The following TRHDE variants were observed in gnomAD, a reference collection of about 807,000 sequenced individuals.
The protein encoded by TRHDE is thyrotropin-releasing hormone-degrading ectoenzyme.
Under a neutral mutation model 125.7 loss-of-function variants are expected in TRHDE, and 72 were observed. The observed-to-expected ratio is 0.57, with a 90% CI of 0.47 to 0.70. The LOEUF (loss-of-function observed/expected upper bound fraction) is 0.70. Ranked by LOEUF, TRHDE falls within the 30% of genes least tolerant of loss-of-function variation. The pLI is 0.00. For missense variants in TRHDE, 1,110 were observed against 1,327.1 expected, an observed-to-expected ratio of 0.84 and a Z score of 2.54; for synonymous variants, 509 against 509.1, an observed-to-expected ratio of 1.00 and a Z score of 0.00.
chr12:72,467,755 C>T (rs997272396), intron 3 of TRHDE, among the ~76,000 whole-genome samples: 5 of 152,266 alleles, frequency 3.3e-5, no homozygotes, highest in East Asian at 1.9e-4. Flanking sequence ...GCGGAGGTTG[C>T]GGTGAGCCGA....
At chr12:72,516,439 T>C (rs1878863862) in intron 6 of TRHDE, among the ~76,000 whole-genome samples, 1 of 152,032 alleles carries the variant, frequency 6.6e-6, no homozygotes, top group Non-Finnish European at 1.5e-5. Flanking sequence ...GATTTGGCTC[T>C]CTGTTTGTCT....
At chr12:72,267,148 A>C (rs938330653) in intron 2 of TRHDE, among the ~76,000 whole-genome samples, 1 of 152,052 alleles carries the variant, frequency 6.6e-6, no homozygotes, top group African/African-American at 2.4e-5. Flanking sequence ...CTGGAACAAG[A>C]GTTAATTTCT....
Position 72,667,622 on chromosome 12 carries a change from G to A in TRHDE, c.*4427G>A, listed in dbSNP as rs1049068383. On this transcript the variant is annotated 3_prime_UTR_variant, in exon 19 of 19. Transcript: ENST00000261180. ...GGAAAAATAATTCCTTGCTACAGAC[G>A]GGAAGTCAATCATTTTTAGGTATAC... 27 of 151,638 alleles carry A rather than the reference G, an allele frequency of 1.8e-4. No individual in the cohort carries two copies. The highest frequency in any genetic ancestry group is 5.5e-4 in the African/African-American group (23 of 41,448). The allele number at this position is 151,638 out of a possible 1,614,324, so 9.4% of individuals were successfully genotyped here.
intron 12 of TRHDE, among the ~76,000 whole-genome samples, chr12:72,599,300 G>A (rs1872110284): frequency 6.6e-6 from 1 of 151,948 alleles, no homozygotes; most frequent in African/African-American, 2.4e-5. Context: ...ATCTCTACAG[G>A]CTGCTTTCCA....
chr12:72,147,533 A>G (rs1876257584), intron 2 of TRHDE: 1 of 152,234 alleles, frequency 6.6e-6, no homozygotes, highest in South Asian at 2.1e-4. Context: ...AAAAATCTGC[A>G]TCTTTTTGAT....
intron 2 of TRHDE, among the ~76,000 whole-genome samples, chr12:72,318,283 C>T (rs1234595321): frequency 6.6e-6 from 1 of 152,040 alleles, no homozygotes; most frequent in Non-Finnish European, 1.5e-5. Flanking sequence ...AAAGGTCTAT[C>T]AGTAAACAGG....
At chr12:72,377,906 T>C (rs1471455444) in intron 2 of TRHDE, 89 bp from the exon 3 acceptor site, 2 of 930,268 alleles carry the variant, frequency 2.1e-6, no homozygotes, top group Non-Finnish European at 3.1e-6. Context: ...TGTAGTATTC[T>C]AAGTGATTTG....
At chr12:72,147,499 C>T (rs1414453996) in intron 2 of TRHDE, 1 of 152,130 alleles carries the variant, frequency 6.6e-6, no homozygotes, top group Non-Finnish European at 1.5e-5. Flanking sequence ...ATAATGTAAT[C>T]TTATCTTCAA....
intron 1 of TRHDE, among the ~76,000 whole-genome samples, chr12:72,092,729 T>C (rs1432453063): frequency 6.6e-6 from 1 of 152,172 alleles, no homozygotes; most frequent in East Asian, 1.9e-4. Flanking sequence ...CTTGGTTCCA[T>C]CCAAAATGCA....
chr12:72,207,474 A>G (rs899191925), intron 2 of TRHDE, among the ~76,000 whole-genome samples: 1 of 152,228 alleles, frequency 6.6e-6, no homozygotes, highest in African/African-American at 2.4e-5. Context: ...AAATTGCACA[A>G]TAAGAGATAG....
chr12:72,368,333 C>G lies in TRHDE; in HGVS notation c.1189-9662C>G, dbSNP rs186160920. Among the ~76,000 whole-genome samples the G allele has an allele frequency of 1.8e-4, 28 of 152,250 alleles. No individual in the cohort carries two copies. In the East Asian group the frequency reaches 5.4e-3, roughly 29 times the overall value. ...TTTAGTAGAAGATTTCATAATAATT[C>G]TGACAACTGAATGTGTCTTCTTTTT... On this transcript the variant is annotated intron_variant, in intron 2 of 18. Transcript: ENST00000261180.
intron 12 of TRHDE, among the ~76,000 whole-genome samples, chr12:72,576,043 A>G (rs1870978983): frequency 6.6e-6 from 1 of 152,132 alleles, no homozygotes; most frequent in African/African-American, 2.4e-5. Context: ...GTTGTACTAT[A>G]GTAATATTTG....
chr12:72,421,307 G>A (rs2135827078), intron 3 of TRHDE, among the ~76,000 whole-genome samples: 1 of 152,264 alleles, frequency 6.6e-6, no homozygotes, highest in Admixed American at 6.5e-5. Flanking sequence ...GAATGGCTGG[G>A]TTATAATTTG....
intron 2 of TRHDE, among the ~76,000 whole-genome samples, chr12:72,142,106 A>G (rs1363782918): frequency 6.6e-6 from 1 of 151,990 alleles, no homozygotes; most frequent in African/African-American, 2.4e-5. Context: ...TCAGATGGGC[A>G]TGCATACAAT....
intron 2 of TRHDE, among the ~76,000 whole-genome samples, chr12:72,177,687 A>T (rs1331805822): frequency 1.3e-5 from 2 of 152,166 alleles, no homozygotes; most frequent in Admixed American, 6.5e-5. Flanking sequence ...CCCTTTAAAA[A>T]ATAAATATTT....
chr12:72,505,278 G>A (rs577707845), intron 6 of TRHDE, among the ~76,000 whole-genome samples: 1 of 152,250 alleles, frequency 6.6e-6, no homozygotes, highest in East Asian at 1.9e-4. Flanking sequence ...TAGATCTGGT[G>A]AAATAACAAG....
intron 6 of TRHDE, among the ~76,000 whole-genome samples, chr12:72,513,449 T>C (rs1230805956): frequency 6.6e-6 from 1 of 152,142 alleles, no homozygotes; most frequent in Admixed American, 6.6e-5. Context: ...GATGTTTTTA[T>C]GGATTCTTTC....
At position 72,653,157 on chromosome 12, in the gene TRHDE, G is replaced by A. The variant is rs1287057224; in HGVS notation, c.2984+1G>A. Reference sequence around the variant, plus strand: ...ATAAATGGAAGATATTAAATACCAGGTAGAAATTAGAATTCTTACTTGAAT... The same window carrying A: ...ATAAATGGAAGATATTAAATACCAGATAGAAATTAGAATTCTTACTTGAAT... On this transcript the variant is annotated splice_donor_variant, in intron 17 of 18. Coordinates refer to ENST00000261180, the MANE Select transcript of TRHDE (RefSeq NM_013381.3). LOFTEE classifies it high-confidence loss of function. The A allele has an allele frequency of 6.2e-7, 1 of 1,602,914 alleles. No homozygotes were observed. Among genetic ancestry groups the A allele is most frequent in the Admixed American group, 1.7e-5 (1 of 58,416 alleles).
intron 13 of TRHDE, 91 bp downstream of exon 13, chr12:72,619,129 T>G: frequency 1.0e-6 from 1 of 1,001,638 alleles, no homozygotes; most frequent in South Asian, 2.9e-5. Flanking sequence ...TGCCAAGTTA[T>G]TTTAGTTTGT....
Sources: gnomAD v4.1 joint callset for allele counts (sites outside exome capture counted in the v4.1 genomes callset) on GRCh38, gnomAD v4.1.1 for gene constraint, MANE v1.5 for transcripts, NCBI Gene and HGNC (gene_info 2026-07-23, HGNC 2026-07-21) for gene names.